Variants in HSD17B2 observed in about 807,000 individuals in gnomAD.
HSD17B2 encodes hydroxysteroid 17-beta dehydrogenase 2.
In HSD17B2, 32 loss-of-function variants were observed where a neutral mutation model predicts 26.9. The observed-to-expected ratio is 1.19, with a 90% CI of 0.90 to 1.60. The LOEUF is 1.60. Among genes scored for constraint, HSD17B2 ranks in the 40% most tolerant of loss-of-function variants. The pLI, the probability that HSD17B2 is intolerant of heterozygous loss-of-function variation, is 0.00. For missense variants in HSD17B2, 613 were observed against 468.6 expected (o/e 1.31, Z -2.85); for synonymous variants, 246 against 186.7 (o/e 1.32, Z -2.59).
At chr16:82,050,692 T>G (rs1281533922) in intron 1 of HSD17B2, among the ~76,000 whole-genome samples, 1 of 152,184 alleles carries the variant, frequency 6.6e-6, no homozygotes, top group Non-Finnish European at 1.5e-5. Context: ...GTCTTTCCAT[T>G]TACTGTTCTT....
At chr16:82,045,315 T>G (rs928401062) in intron 1 of HSD17B2, among the ~76,000 whole-genome samples, 1 of 152,096 alleles carries the variant, frequency 6.6e-6, no homozygotes, top group African/African-American at 2.4e-5. Context: ...GCTTCCCTCT[T>G]AAGATATACA....
intron 3 of HSD17B2, among the ~76,000 whole-genome samples, chr16:82,083,746 C>A (rs1167543448): frequency 1.3e-5 from 2 of 152,132 alleles, no homozygotes; most frequent in African/African-American, 4.8e-5. Flanking sequence ...CTTACTAGCT[C>A]CTGAGGAGAT....
chr16:82,035,810 T>A, intron 1 of HSD17B2, 121 bp downstream of exon 1: 1 of 1,049,554 alleles, frequency 9.5e-7, no homozygotes, highest in Non-Finnish European at 1.4e-6. Flanking sequence ...ATGAAAGCCC[T>A]CACCCAAGTA....
intron 1 of HSD17B2, among the ~76,000 whole-genome samples, chr16:82,041,860 C>T (rs1192962211): frequency 1.3e-5 from 2 of 152,084 alleles, no homozygotes. Context: ...ACTGGCAAAT[C>T]GTGGTTTTGT....
chr16:82,048,339 T>G (rs1381812924), intron 1 of HSD17B2, among the ~76,000 whole-genome samples: 2 of 152,066 alleles, frequency 1.3e-5, no homozygotes, highest in Admixed American at 6.5e-5. Context: ...GAAAATGAGA[T>G]GAGCTGATAG....
At chr16:82,091,197 C>T in intron 4 of HSD17B2, 158 bp downstream of exon 4, 1 of 770,440 alleles carries the variant, frequency 1.3e-6, no homozygotes, top group East Asian at 2.5e-5. Context: ...GATTCAGTAA[C>T]TGCTGACAGT....
At chr16:82,054,561 C>T (rs1954763317) in intron 1 of HSD17B2, among the ~76,000 whole-genome samples, 2 of 152,112 alleles carry the variant, frequency 1.3e-5, no homozygotes, top group Admixed American at 1.3e-4. Flanking sequence ...CTCAGGCTGG[C>T]CTCAAACTCC....
intron 3 of HSD17B2, among the ~76,000 whole-genome samples, chr16:82,074,318 T>C (rs1293089509): frequency 7.9e-5 from 12 of 152,238 alleles, no homozygotes; most frequent in Non-Finnish European, 1.8e-4. Flanking sequence ...TGAATCTTCA[T>C]GTCCTGGAGA....
intron 3 of HSD17B2, chr16:82,071,399 C>G: frequency 2.0e-6 from 1 of 496,124 alleles, no homozygotes; most frequent in Non-Finnish European, 3.7e-6. Context: ...ACTGCCAACA[C>G]ACATGGTTGG....
At chr16:82,041,072 T>C (rs1913753089) in intron 1 of HSD17B2, among the ~76,000 whole-genome samples, 1 of 152,218 alleles carries the variant, frequency 6.6e-6, no homozygotes, top group South Asian at 2.1e-4. Flanking sequence ...TGTGAAAGTT[T>C]GAACAATGAT....
At chr16:82,091,394 T>C (rs8191225) in intron 4 of HSD17B2, 11,674 of 314,232 alleles carry the variant, frequency 0.037, 345 homozygotes, top group Non-Finnish European at 0.054. Flanking sequence ...GTCCAGATTC[T>C]GTCTTCCCAC....
At chr16:82,045,545 G>A (rs1334441830) in intron 1 of HSD17B2, among the ~76,000 whole-genome samples, 5 of 152,184 alleles carry the variant, frequency 3.3e-5, no homozygotes, top group Non-Finnish European at 7.3e-5. Flanking sequence ...TTCCAGTTCA[G>A]TAATCCCCTT....
chr16:82,097,338 A>AC (rs1904877127), intron 4 of HSD17B2: 1 of 111,514 alleles, frequency 9.0e-6, no homozygotes, highest in Non-Finnish European at 1.9e-5. Context: ...ATATATACAC[A>AC]TTATATATGT....
In HSD17B2 at chr16:82,068,358, G is replaced by T. The variant is rs370225052; in HGVS notation, c.454G>T (p.Val152Phe). 1.6e-5 allele frequency: 26 copies of T among 1,613,048 alleles called. No homozygotes were observed. The highest frequency in any genetic ancestry group is 2.0e-5 in the Non-Finnish European group (24 of 1,179,852). ...PVQIKDAYSK[V>F]AAMLQDRGLW... is the part of the protein sequence containing the mutation. Reference sequence around the variant, plus strand: ...GCAGATAAAAGATGCTTACAGCAAGGTTGCAGCAATGCTGCAGGACAGAGG... The same window carrying T: ...GCAGATAAAAGATGCTTACAGCAAGTTTGCAGCAATGCTGCAGGACAGAGG... Residue 152 changes from valine to phenylalanine, a missense_variant, in exon 2 of 5, where the codon GTT becomes TTT. Transcript: ENST00000199936.
At chr16:82,097,806 G>A (rs1197182412) in intron 4 of HSD17B2, 1 of 240,128 alleles carries the variant, frequency 4.2e-6, no homozygotes, top group Non-Finnish European at 7.9e-6. Context: ...GGGCATGTTG[G>A]TGATGCCTGT....
intron 1 of HSD17B2, among the ~76,000 whole-genome samples, chr16:82,065,239 C>T (rs963657131): frequency 6.6e-6 from 1 of 152,190 alleles, no homozygotes; most frequent in Admixed American, 6.5e-5. Context: ...GGTTTGGATA[C>T]AGGTGACAGT....
At chr16:82,074,811 A>C (rs1904293145) in intron 3 of HSD17B2, among the ~76,000 whole-genome samples, 1 of 152,208 alleles carries the variant, frequency 6.6e-6, no homozygotes, top group Non-Finnish European at 1.5e-5. Flanking sequence ...AAAATCAATA[A>C]AGAAACATCA....
intron 3 of HSD17B2, among the ~76,000 whole-genome samples, chr16:82,074,547 C>T (rs1197750894): frequency 6.6e-6 from 1 of 152,094 alleles, no homozygotes; most frequent in Non-Finnish European, 1.5e-5. Context: ...TCAGGAGTAG[C>T]TATACTTACA....
chr16:82,084,238 G>A (rs747639391), intron 3 of HSD17B2, among the ~76,000 whole-genome samples: 2 of 152,118 alleles, frequency 1.3e-5, no homozygotes, highest in Non-Finnish European at 2.9e-5. Context: ...TGGCATTTTG[G>A]TGGGGAGAAT....
Sources: gnomAD v4.1 joint callset for allele counts (sites outside exome capture counted in the v4.1 genomes callset) on GRCh38, gnomAD v4.1.1 for gene constraint, MANE v1.5 for transcripts, NCBI Gene and HGNC (gene_info 2026-07-23, HGNC 2026-07-21) for gene names.